Variants in MED13L observed in about 807,000 individuals in gnomAD.
MED13L encodes mediator complex subunit 13L.
MED13L carries 7 observed loss-of-function variants against 220.9 expected under a neutral mutation model. That is an observed-to-expected ratio of 0.03 (90% CI 0.02 to 0.06). The LOEUF (loss-of-function observed/expected upper bound fraction) is 0.06, where lower values mean the gene tolerates loss of function less well. MED13L is among the 10% of genes least tolerant of loss of function. MED13L has a pLI of 1.00. For synonymous variants in MED13L, 1,011 were observed against 1,015.2 expected (o/e 1.00, Z 0.08); for missense variants, 1,965 against 2,760.5 (o/e 0.71, Z 6.46).
At chr12:116,108,381 T>G (rs1873773453) in intron 3 of MED13L, among the ~76,000 whole-genome samples, 2 of 86,396 alleles carry the variant, frequency 2.3e-5, no homozygotes, top group East Asian at 4.2e-4. Context: ...TAGCTGAGCT[T>G]TAAAAGAAAG....
At chr12:115,993,704 G>A (rs1444903786) in intron 16 of MED13L, among the ~76,000 whole-genome samples, 1 of 152,150 alleles carries the variant, frequency 6.6e-6, no homozygotes, top group Non-Finnish European at 1.5e-5. Context: ...ACGCAGTTCA[G>A]ATCAGAAAAG....
At chr12:116,079,684 G>A (rs1216319300) in intron 4 of MED13L, among the ~76,000 whole-genome samples, 4 of 151,896 alleles carry the variant, frequency 2.6e-5, no homozygotes, top group East Asian at 3.9e-4. Flanking sequence ...GACTACAAGC[G>A]TGTACCACCA....
At chr12:116,170,980 G>A (rs1879640756) in intron 2 of MED13L, among the ~76,000 whole-genome samples, 2 of 152,210 alleles carry the variant, frequency 1.3e-5, no homozygotes, top group Admixed American at 1.3e-4. Flanking sequence ...TACCAGAGTT[G>A]TTTGCTGTTA....
chr12:116,106,284 G>A (rs933608392), intron 3 of MED13L, among the ~76,000 whole-genome samples: 1 of 152,148 alleles, frequency 6.6e-6, no homozygotes, highest in African/African-American at 2.4e-5. Context: ...GCAAGAAAAG[G>A]TGGGGAATTC....
intron 4 of MED13L, among the ~76,000 whole-genome samples, chr12:116,096,093 C>G (rs369189585): frequency 3.3e-5 from 5 of 151,960 alleles, no homozygotes; most frequent in Middle Eastern, 6.8e-3. Flanking sequence ...ATGGCTCGCA[C>G]CTATAATCCC....
rs748882337 is a variant in MED13L at position 115,991,121 on chromosome 12, G to A, written c.3833C>T (p.Ala1278Val). The A allele has an allele frequency of 3.7e-6, 6 of 1,613,972 alleles. No individual in the cohort carries two copies. Among genetic ancestry groups the A allele is most frequent in the African/African-American group, 1.3e-5 (1 of 74,884 alleles). The part of the protein sequence containing the change: ...NNDYWTECFN[A>V]LEQGRQYVDN... The stretch of plus-strand genomic sequence containing the variant: ...CACATACTGCCGCCCCTGCTCCAAC[G>A]CATTAAAGCATTCCGTCCAGTAATC... The change falls in exon 17 of 31, where the codon GCG (alanine) becomes GTG (valine). Residue 1278 changes from alanine to valine, a missense_variant. Physicochemically the swap from Ala to Val is moderately conservative, Grantham distance 64. Transcript: ENST00000281928. This position sits in a 1 kb window ranked among gnomAD's most constrained non-coding sequence, Gnocchi z 7.7.
At chr12:116,275,620 T>C (rs1873753667) in intron 1 of MED13L, among the ~76,000 whole-genome samples, 2 of 152,208 alleles carry the variant, frequency 1.3e-5, no homozygotes, top group African/African-American at 4.8e-5. Context: ...TAATTACAAT[T>C]TGAACACTAA....
At chr12:116,150,163 C>T (rs985099565) in intron 2 of MED13L, among the ~76,000 whole-genome samples, 1 of 152,210 alleles carries the variant, frequency 6.6e-6, no homozygotes, top group African/African-American at 2.4e-5. Flanking sequence ...GCTGAGATCG[C>T]TGTGATACCA....
intron 1 of MED13L, among the ~76,000 whole-genome samples, chr12:116,250,251 T>C (rs1485957314): frequency 6.6e-6 from 1 of 151,492 alleles, no homozygotes; most frequent in Non-Finnish European, 1.5e-5. Context: ...AATCTAGACT[T>C]TTAGATCAAA....
chr12:116,129,360 TA>T (rs1286289088), intron 2 of MED13L, among the ~76,000 whole-genome samples: 1 of 152,214 alleles, frequency 6.6e-6, no homozygotes, highest in African/African-American at 2.4e-5. Context: ...GCTAGACAAC[TA>T]TTCACTATTC....
chr12:116,007,416 T>A lies in MED13L; in HGVS notation c.2233A>T (p.Asn745Tyr). The A allele has an allele frequency of 6.2e-7, 1 of 1,611,334 alleles. No homozygotes were observed. Among genetic ancestry groups the A allele is most frequent in the Non-Finnish European group, 8.5e-7 (1 of 1,177,454 alleles). The change falls in exon 11 of 31, where the codon AAT becomes TAT. Residue 745 changes from asparagine (N) to tyrosine (Y), a missense_variant. Physicochemically the swap from Asn to Tyr is moderately radical, Grantham distance 143. This residue lies in a region of MED13L where 818 missense variants were observed against 1,041.2 expected (regional missense o/e 0.79). Coordinates refer to ENST00000281928, the MANE Select transcript of MED13L (RefSeq NM_015335.5). ...CTCTCTCTGTTAAATGGTACCTTAT[T>A]CTTTTTCAGGGAATCTTTCTCCGTC... The part of the protein sequence containing the change: ...QGTEKDSLKK[N>Y]KSEDGFGTKD...
chr12:116,023,937 C>T (rs1241272758), intron 4 of MED13L, among the ~76,000 whole-genome samples: 1 of 152,134 alleles, frequency 6.6e-6, no homozygotes, highest in African/African-American at 2.4e-5. Flanking sequence ...ACTAGAAACA[C>T]ACCATCTTCT....
At chr12:116,150,305 T>C (rs1243512534) in intron 2 of MED13L, among the ~76,000 whole-genome samples, 2 of 152,222 alleles carry the variant, frequency 1.3e-5, no homozygotes, top group Non-Finnish European at 2.9e-5. Flanking sequence ...AGAGCCTACC[T>C]TCCCTTACAG....
intron 4 of MED13L, among the ~76,000 whole-genome samples, chr12:116,080,444 C>G (rs1397978531): frequency 6.6e-6 from 1 of 152,202 alleles, no homozygotes; most frequent in Non-Finnish European, 1.5e-5. Context: ...AAAGGCACAT[C>G]TGAGGATCAT....
chr12:116,024,772 G>C (rs1443763153), intron 4 of MED13L, among the ~76,000 whole-genome samples: 2 of 67,546 alleles, frequency 3.0e-5, no homozygotes, highest in African/African-American at 4.7e-5. Context: ...TTTTGGCGGG[G>C]CGGGGGGGGG....
In MED13L at chr12:116,102,724, T is replaced by C. The variant is rs1347005902; in HGVS notation, c.396-5972A>G. Among the ~76,000 whole-genome samples, 246 of 121,408 alleles carry C rather than the reference T, an allele frequency of 2.0e-3. 3 individuals carry two copies. Among genetic ancestry groups the C allele is most frequent in the Non-Finnish European group, 3.0e-3 (173 of 58,072 alleles). The allele number at this position is 121,408 out of a possible 152,430, so 79.6% of individuals were successfully genotyped here. A position where few individuals can be genotyped will look rare whatever the true frequency, so the allele number is the denominator to read the frequency against. On this transcript the variant is annotated intron_variant, in intron 3 of 30. Coordinates refer to ENST00000281928, the MANE Select transcript of MED13L (RefSeq NM_015335.5). ...TTTTCTTTTTTCTTTTTTTTTTTTT[T>C]TTTTTTTTTTTTTTTGATACGGAGT...
intron 2 of MED13L, among the ~76,000 whole-genome samples, chr12:116,139,430 G>C (rs1436062282): frequency 6.6e-6 from 1 of 152,036 alleles, no homozygotes; most frequent in African/African-American, 2.4e-5. Context: ...CCTTTCAGGG[G>C]TCAGTATTAT....
intron 1 of MED13L, among the ~76,000 whole-genome samples, chr12:116,263,730 G>A (rs1593224395): frequency 6.6e-6 from 1 of 152,122 alleles, no homozygotes; most frequent in East Asian, 1.9e-4. Flanking sequence ...TCTAAAATGA[G>A]CCTCAATTTG....
chr12:116,048,713 A>C (rs990885966), intron 4 of MED13L, among the ~76,000 whole-genome samples: 1 of 152,146 alleles, frequency 6.6e-6, no homozygotes, highest in Non-Finnish European at 1.5e-5. Flanking sequence ...AGAAAAATTG[A>C]CTAAGAAGTT....
Sources: allele counts gnomAD v4.1 joint callset (sites outside exome capture counted in the v4.1 genomes callset), GRCh38; gene constraint gnomAD v4.1.1; regional missense constraint gnomAD v4.1.1; non-coding constraint Gnocchi (gnomAD v3.1); transcripts MANE v1.5; gene names NCBI Gene and HGNC (gene_info 2026-07-23, HGNC 2026-07-21).